The following PIGN variants were observed in gnomAD, a reference collection of about 807,000 sequenced individuals.
The protein encoded by PIGN is GPI ethanolamine phosphate transferase 1.
Under a neutral mutation model 125.4 loss-of-function variants are expected in PIGN, and 117 were observed. The ratio of observed to expected loss-of-function variants is 0.93; its 90% CI spans 0.80 to 1.09. PIGN has a LOEUF of 1.09. Ranked by LOEUF, PIGN falls within the 50% of genes least tolerant of loss-of-function variation. PIGN has a pLI of 0.00. For missense variants in PIGN, 1,075 were observed against 1,094.9 expected (o/e 0.98, Z 0.26); for synonymous variants, 392 against 377.8 (o/e 1.04, Z -0.44).
At chr18:62,122,143 T>C (rs4602128) in intron 14 of PIGN, among the ~76,000 whole-genome samples, 13,070 of 152,166 alleles carry the variant, frequency 0.086, 682 homozygotes, top group South Asian at 0.19. Flanking sequence ...GTAGGATGAC[T>C]ATGGTTAACA....
intron 14 of PIGN, among the ~76,000 whole-genome samples, chr18:62,122,091 A>C (rs1457080545): frequency 6.6e-6 from 1 of 152,176 alleles, no homozygotes; most frequent in Non-Finnish European, 1.5e-5. Flanking sequence ...TATAAATAAC[A>C]CAGTTTGATA....
downstream of PIGN, among the ~76,000 whole-genome samples, chr18:62,037,636 G>A (rs879294572): frequency 2.6e-5 from 4 of 152,212 alleles, no homozygotes; most frequent in Non-Finnish European, 4.4e-5. Context: ...CGTTCTCCTC[G>A]GGCTTCTAAG....
chr18:62,032,064 T>C (rs1265602994), intron 23 of PIGN, among the ~76,000 whole-genome samples: 1 of 152,136 alleles, frequency 6.6e-6, no homozygotes, highest in African/African-American at 2.4e-5. Flanking sequence ...TCTTGTGACT[T>C]CTCTTCTGTT....
intron 23 of PIGN, among the ~76,000 whole-genome samples, chr18:62,091,269 C>T (rs912990107): frequency 4.6e-5 from 7 of 152,002 alleles, no homozygotes; most frequent in South Asian, 4.2e-4. Flanking sequence ...CACGTGAACC[C>T]GGGAGGCAGA....
intron 20 of PIGN, among the ~76,000 whole-genome samples, 168 bp from the exon 21 acceptor site, chr18:62,103,070 G>C (rs1257751773): frequency 6.6e-6 from 1 of 152,086 alleles, no homozygotes; most frequent in Non-Finnish European, 1.5e-5. Context: ...AAACTTTTAA[G>C]TTTTAAGATT....
chr18:62,045,765 T>G lies in PIGN; in HGVS notation c.*91A>C. 8.1e-7 allele frequency: 1 copy of G among 1,239,980 alleles called. No individual in the cohort carries two copies. Among genetic ancestry groups the G allele is most frequent in the East Asian group, 2.3e-5 (1 of 42,750 alleles). The allele number at this position is 1,239,980 out of a possible 1,614,324, so 76.8% of individuals were successfully genotyped here. ...CCTTACAGGAGTAGAATATACTATA[T>G]ATCCATATCCATCTTCTTATTGAAG... On this transcript the variant is annotated 3_prime_UTR_variant, in exon 31 of 31. Coordinates refer to ENST00000640252, the MANE Select transcript of PIGN (RefSeq NM_176787.5).
At chr18:62,073,338 G>A (rs988573309) in intron 29 of PIGN, among the ~76,000 whole-genome samples, 14 of 152,090 alleles carry the variant, frequency 9.2e-5, no homozygotes, top group African/African-American at 3.4e-4. Flanking sequence ...AAAAGTAGGA[G>A]TCAGATGAAA....
At chr18:62,186,182 C>G (rs1171873512) in intron 1 of PIGN, 1 of 151,790 alleles carries the variant, frequency 6.6e-6, no homozygotes, top group African/African-American at 2.4e-5. Flanking sequence ...TCCTGAGTAG[C>G]TGGGATTGCA....
intron 28 of PIGN, among the ~76,000 whole-genome samples, chr18:62,077,993 AGGACATCAGTCATATTGGACTAGGGC>A: frequency 6.6e-6 from 1 of 152,222 alleles, no homozygotes; most frequent in Non-Finnish European, 1.5e-5. Flanking sequence ...TCCTCTTATA[AGGACATCAGTCATATTGGACTAGGGC>A]CCACCCATAT....
chr18:62,065,879 T>TAG (rs1380627769), intron 30 of PIGN, among the ~76,000 whole-genome samples: 4 of 152,226 alleles, frequency 2.6e-5, no homozygotes, highest in African/African-American at 9.6e-5. Context: ...ATCTCCTCTA[T>TAG]TTCAGTCCCA....
intron 14 of PIGN, among the ~76,000 whole-genome samples, chr18:62,120,139 C>T (rs2035244040): frequency 6.6e-6 from 1 of 151,910 alleles, no homozygotes; most frequent in African/African-American, 2.4e-5. Flanking sequence ...ACAAAGAAAA[C>T]CATGTATATG....
intron 14 of PIGN, among the ~76,000 whole-genome samples, chr18:62,134,693 G>GT (rs2035862236): frequency 6.6e-6 from 1 of 152,120 alleles, no homozygotes; most frequent in African/African-American, 2.4e-5. Context: ...GAAAAACAAA[G>GT]TTTTATGCTA....
At chr18:62,138,090 C>A in intron 14 of PIGN, 153 bp downstream of exon 14, 1 of 1,060,158 alleles carries the variant, frequency 9.4e-7, no homozygotes, top group Non-Finnish European at 1.3e-6. Context: ...TATTTAACAA[C>A]AGCAATAGAA....
intron 1 of PIGN, among the ~76,000 whole-genome samples, chr18:62,164,477 C>T (rs80199088): frequency 0.023 from 3,496 of 152,228 alleles, 41 homozygotes; most frequent in Middle Eastern, 0.082. Context: ...GCAAGCACGC[C>T]TTACCATGGC....
At chr18:62,106,176 C>A (rs1051861665) in intron 19 of PIGN, among the ~76,000 whole-genome samples, 4 of 152,052 alleles carry the variant, frequency 2.6e-5, no homozygotes, top group African/African-American at 9.7e-5. Flanking sequence ...ATTAAAAGAT[C>A]GATAATCCCA....
At chr18:62,097,589 T>C (rs1199552387) in intron 22 of PIGN, among the ~76,000 whole-genome samples, 1 of 152,056 alleles carries the variant, frequency 6.6e-6, no homozygotes, top group African/African-American at 2.4e-5. Flanking sequence ...TACCCAAAAA[T>C]GAATTATTTT....
At chr18:62,160,227 A>G (rs2147594888) in intron 4 of PIGN, among the ~76,000 whole-genome samples, 1 of 152,356 alleles carries the variant, frequency 6.6e-6, no homozygotes, top group South Asian at 2.1e-4. Flanking sequence ...TTCTATTTTA[A>G]TCTCTCCATA....
intron 22 of PIGN, among the ~76,000 whole-genome samples, 161 bp downstream of exon 22, chr18:62,100,914 T>C (rs1253096501): frequency 1.3e-5 from 2 of 152,230 alleles, no homozygotes; most frequent in African/African-American, 4.8e-5. Context: ...AAAAATTCTC[T>C]TTGTTAAATT....
chr18:62,113,589 G>C (rs1005146879), intron 15 of PIGN, among the ~76,000 whole-genome samples: 2 of 152,080 alleles, frequency 1.3e-5, no homozygotes, highest in African/African-American at 2.4e-5. Flanking sequence ...TTGTGGAAAT[G>C]ATATTCAGAC....
Sources: allele counts gnomAD v4.1 joint callset (sites outside exome capture counted in the v4.1 genomes callset), GRCh38; gene constraint gnomAD v4.1.1; transcripts MANE v1.5; gene names NCBI Gene and HGNC (gene_info 2026-07-23, HGNC 2026-07-21).